Variants in SNTG1 observed in about 807,000 individuals in gnomAD.
SNTG1 encodes syntrophin gamma 1.
In SNTG1, 39 loss-of-function variants were observed where a neutral mutation model predicts 74.7. The observed-to-expected ratio is 0.52, with a 90% CI of 0.40 to 0.68. The LOEUF (loss-of-function observed/expected upper bound fraction) is 0.68, where lower values mean the gene tolerates loss of function less well. Ranked by LOEUF, SNTG1 falls within the 30% of genes least tolerant of loss-of-function variation. The pLI is 0.00. For synonymous variants in SNTG1, 254 were observed against 217.1 expected (o/e 1.17, Z -1.49); for missense variants, 685 against 609.5 (o/e 1.12, Z -1.30).
chr8:50,529,377 A>ATGGACTATTATG (rs2094248032), intron 9 of SNTG1, among the ~76,000 whole-genome samples: 1 of 151,994 alleles, frequency 6.6e-6, no homozygotes. Context: ...TTTTTAGCAC[A>ATGGACTATTATG]TGGACTATTA....
At chr8:50,645,328 T>C (rs1024326952) in intron 13 of SNTG1, among the ~76,000 whole-genome samples, 3 of 147,532 alleles carry the variant, frequency 2.0e-5, no homozygotes, top group Non-Finnish European at 3.0e-5. Flanking sequence ...TAGGTATCCA[T>C]TTTATTATTT....
At chr8:50,601,796 G>A (rs565912772) in intron 13 of SNTG1, among the ~76,000 whole-genome samples, 15 of 151,814 alleles carry the variant, frequency 9.9e-5, no homozygotes, top group African/African-American at 2.9e-4. Context: ...TCTATATCTG[G>A]GTGCTTTGGT....
intron 2 of SNTG1, among the ~76,000 whole-genome samples, chr8:50,360,668 A>G (rs1048842527): frequency 6.6e-6 from 1 of 152,184 alleles, no homozygotes; most frequent in Non-Finnish European, 1.5e-5. Flanking sequence ...GCACATTACT[A>G]TATTAAAACT....
intron 12 of SNTG1, among the ~76,000 whole-genome samples, chr8:50,590,148 G>T (rs111226486): frequency 0.037 from 5,703 of 152,200 alleles, 183 homozygotes; most frequent in African/African-American, 0.077. Context: ...AATGAAAATA[G>T]TCTGCATTAC....
At chr8:50,413,419 T>G (rs1042518087) in intron 4 of SNTG1, among the ~76,000 whole-genome samples, 2 of 152,220 alleles carry the variant, frequency 1.3e-5, no homozygotes, top group Non-Finnish European at 2.9e-5. Context: ...TACTGAGTTT[T>G]GGAGTTTGAG....
chr8:50,013,313 A>G (rs1815993188), intron 1 of SNTG1, among the ~76,000 whole-genome samples: 1 of 152,026 alleles, frequency 6.6e-6, no homozygotes, highest in Admixed American at 6.6e-5. Context: ...GCAAAATAGC[A>G]CCTCGTCATA....
Position 50,661,913 on chromosome 8 carries a change from G to A in SNTG1, c.1038+3250G>A, listed in dbSNP as rs138463264. On this transcript the variant is annotated intron_variant, in intron 15 of 18. Transcript: ENST00000642720. ...TGTGGCTTGACATTAGACATATAAA[G>A]CCATCCTTCAAGCATTCCTTTTCCC... is the stretch of plus-strand genomic sequence containing the variant. Among the ~76,000 whole-genome samples, 1,306 of 152,258 alleles carry A rather than the reference G, an allele frequency of 8.6e-3. 3 individuals carry two copies. Among genetic ancestry groups the A allele is most frequent in the Middle Eastern group, 0.02 (6 of 294 alleles).
At chr8:50,046,476 T>A (rs1055433378) in intron 1 of SNTG1, among the ~76,000 whole-genome samples, 5 of 152,184 alleles carry the variant, frequency 3.3e-5, no homozygotes, top group Non-Finnish European at 7.3e-5. Flanking sequence ...TTTTAAATAT[T>A]TAAATGTTTA....
At chr8:50,071,938 T>G (rs571282410) in intron 1 of SNTG1, among the ~76,000 whole-genome samples, 1 of 152,330 alleles carries the variant, frequency 6.6e-6, no homozygotes, top group Non-Finnish European at 1.5e-5. Flanking sequence ...TGATTCATAT[T>G]TTGTTCTTTT....
In SNTG1 at chr8:50,655,860, T is replaced by G. The variant is rs538893408; in HGVS notation, c.850-1049T>G. 2.6e-5 allele frequency among the ~76,000 whole-genome samples: 4 copies of G among 152,304 alleles called. No homozygotes were observed. In the South Asian group the frequency reaches 8.3e-4, roughly 32 times the overall value. On this transcript the variant is annotated intron_variant, in intron 13 of 18. Transcript: ENST00000642720. ...TCTTTCTTTCTGAAAGTAAACTGAT[T>G]GTCATTAGCCACCAGTTTGGAGCTA... is the stretch of plus-strand genomic sequence containing the variant.
At chr8:50,531,816 G>T (rs551309649) in intron 10 of SNTG1, among the ~76,000 whole-genome samples, 1 of 152,278 alleles carries the variant, frequency 6.6e-6, no homozygotes, top group Admixed American at 6.5e-5. Flanking sequence ...ATGGGAGAAA[G>T]CTCTTTGGAG....
At chr8:50,361,942 C>A (rs1329379009) in intron 2 of SNTG1, among the ~76,000 whole-genome samples, 3 of 152,098 alleles carry the variant, frequency 2.0e-5, no homozygotes, top group African/African-American at 7.2e-5. Context: ...TTAAAAATGG[C>A]ACACCTATAT....
At chr8:50,452,644 A>G (rs970563460) in intron 8 of SNTG1, among the ~76,000 whole-genome samples, 2 of 152,204 alleles carry the variant, frequency 1.3e-5, no homozygotes, top group African/African-American at 2.4e-5. Context: ...ATTCTGTTAT[A>G]AAGGAAAGAA....
In SNTG1 at chr8:49,938,603, T is replaced by TTTTCTTTC. The variant is rs138959195; in HGVS notation, c.-103+26405_-103+26412dup. On this transcript the variant is annotated intron_variant, in intron 1 of 18. Coordinates refer to ENST00000642720, the MANE Select transcript of SNTG1 (RefSeq NM_018967.5). ...TTTTCTTTTCTTTTCTTTTCTTTTC[T>TTTTCTTTC]TTTCTTTCTTTCTTTCTTTCTTTCT... 8.6e-4 allele frequency among the ~76,000 whole-genome samples: 64 copies of TTTTCTTTC among 74,758 alleles called. 4 individuals are homozygous for TTTTCTTTC. Among genetic ancestry groups the TTTTCTTTC allele is most frequent in the South Asian group, 1.2e-3 (2 of 1,674 alleles). The allele number at this position is 74,758 out of a possible 152,430, so 49.0% of individuals were successfully genotyped here.
At chr8:50,599,040 C>G (rs769837491) in intron 13 of SNTG1, among the ~76,000 whole-genome samples, 13 of 151,952 alleles carry the variant, frequency 8.6e-5, no homozygotes, top group African/African-American at 3.1e-4. Flanking sequence ...TATAGGCATG[C>G]AATGCATAAT....
intron 2 of SNTG1, among the ~76,000 whole-genome samples, chr8:50,345,413 GC>G (rs1192634744): frequency 6.6e-6 from 1 of 152,082 alleles, no homozygotes; most frequent in African/African-American, 2.4e-5. Context: ...TCCTGGCTCT[GC>G]CTTCTAGAAC....
intron 3 of SNTG1, among the ~76,000 whole-genome samples, chr8:50,395,451 A>T (rs979789702): frequency 6.6e-6 from 1 of 151,496 alleles, no homozygotes; most frequent in Non-Finnish European, 1.5e-5. Flanking sequence ...TATTTTTAAA[A>T]ACTGAATTAA....
chr8:50,720,764 T>C (rs986491054), intron 17 of SNTG1, among the ~76,000 whole-genome samples: 2 of 152,140 alleles, frequency 1.3e-5, no homozygotes, highest in East Asian at 3.9e-4. Flanking sequence ...GTGAGAAGAG[T>C]ATAAATAGAT....
intron 17 of SNTG1, among the ~76,000 whole-genome samples, chr8:50,732,801 T>A (rs1313703737): frequency 6.6e-6 from 1 of 152,004 alleles, no homozygotes; most frequent in Non-Finnish European, 1.5e-5. Flanking sequence ...AAAAAAACAG[T>A]CTCTGTAATA....
Sources: allele counts gnomAD v4.1 joint callset (sites outside exome capture counted in the v4.1 genomes callset), GRCh38; gene constraint gnomAD v4.1.1; transcripts MANE v1.5; gene names NCBI Gene and HGNC (gene_info 2026-07-23, HGNC 2026-07-21).